The following BLM variants were observed in gnomAD, a reference collection of about 807,000 sequenced individuals.
BLM encodes the protein recQ-like DNA helicase BLM.
Under a neutral mutation model 135.3 loss-of-function variants are expected in BLM, and 95 were observed. The ratio of observed to expected loss-of-function variants is 0.70; its 90% CI spans 0.59 to 0.83. The LOEUF is 0.83. Ranked by LOEUF, BLM falls within the 40% of genes least tolerant of loss-of-function variation. The probability of loss-of-function intolerance (pLI) is 0.00; values close to 1 mark genes in which losing one functional copy is unlikely to be tolerated. For missense variants in BLM, 1,518 were observed against 1,663.9 expected (o/e 0.91, Z 1.53); for synonymous variants, 520 against 589.2 (o/e 0.88, Z 1.70).
chr15:90,775,826 T>A (rs1896462500), intron 12 of BLM, among the ~76,000 whole-genome samples: 1 of 152,138 alleles, frequency 6.6e-6, no homozygotes, highest in Non-Finnish European at 1.5e-5. Context: ...ACATTTTGAT[T>A]GAGAATGTAT....
intron 15 of BLM, among the ~76,000 whole-genome samples, chr15:90,793,378 G>A (rs556315681): frequency 2.6e-5 from 4 of 152,056 alleles, no homozygotes; most frequent in African/African-American, 4.8e-5. Flanking sequence ...CAGGTGATCC[G>A]CCCACCTTGG....
At chr15:90,797,397 C>T (rs1355011577) in intron 16 of BLM, among the ~76,000 whole-genome samples, 1 of 134,244 alleles carries the variant, frequency 7.4e-6, no homozygotes, top group Non-Finnish European at 1.5e-5. Context: ...GCCTGGGCGA[C>T]GAGCGAAACT....
chr15:90,733,310 C>T (rs1170700508), intron 1 of BLM, among the ~76,000 whole-genome samples: 3 of 152,020 alleles, frequency 2.0e-5, no homozygotes, highest in Non-Finnish European at 4.4e-5. Context: ...ATCTAGTTTA[C>T]CAAAATTGAC....
chr15:90,803,940 TA>T (rs1897226341), intron 18 of BLM, among the ~76,000 whole-genome samples: 1 of 152,348 alleles, frequency 6.6e-6, no homozygotes, highest in African/African-American at 2.4e-5. Flanking sequence ...ATCAGGTCAC[TA>T]AATCTTTATA....
At chr15:90,748,373 G>T (rs1033659301) in intron 2 of BLM, among the ~76,000 whole-genome samples, 1 of 152,176 alleles carries the variant, frequency 6.6e-6, no homozygotes, top group Non-Finnish European at 1.5e-5. Flanking sequence ...CTCCCAAAGT[G>T]CTGGGATTAC....
chr15:90,749,993 C>G lies in BLM; in HGVS notation c.725C>G (p.Pro242Arg), dbSNP rs1060500642. 5.0e-6 allele frequency: 8 copies of G among 1,614,144 alleles called. No individual in the cohort carries two copies. The highest frequency in any genetic ancestry group is 6.8e-6 in the Non-Finnish European group (8 of 1,180,026). Residue 242 changes from proline (P) to arginine (R), a missense_variant, in exon 3 of 22, where the codon CCC (proline) becomes CGC (arginine). This residue lies in a region of BLM where 724 missense variants were observed against 756.9 expected (regional missense o/e 0.96). Transcript: ENST00000355112. ...SSDVICIDDGPIAEVHINEDA... is the reference protein window; with the variant it reads ...SSDVICIDDGRIAEVHINEDA... The stretch of plus-strand genomic sequence containing the variant: ...GATGTGATTTGCATCGATGATGGCC[C>G]CATTGCTGAAGTGCATATAAATGAA...
intron 1 of BLM, among the ~76,000 whole-genome samples, chr15:90,737,066 C>T (rs1895237151): frequency 6.9e-6 from 1 of 145,158 alleles, no homozygotes; most frequent in Admixed American, 6.7e-5. Flanking sequence ...ATGTAATCAC[C>T]CTGAAGGTGA....
At position 90,804,224 on chromosome 15, in the gene BLM, G is replaced by C; in HGVS notation, c.3616G>C (p.Ala1206Pro). The C allele has an allele frequency of 2.5e-6, 4 of 1,614,176 alleles. No homozygotes were observed. The highest frequency in any genetic ancestry group is 3.4e-6 in the Non-Finnish European group (4 of 1,180,006). Residue 1206 changes from alanine to proline, a missense_variant, in exon 19 of 22, where the codon GCA becomes CCA. Coordinates refer to ENST00000355112, the MANE Select transcript of BLM (RefSeq NM_000057.4). ...TGTGAAAAAACAAAAAGCGTTAGTA[G>C]CAAAAGTGTCTCAGAGGGAAGAGAT... ...SSVKKQKALV[A>P]KVSQREEMVK...
chr15:90,790,863 T>C lies in BLM; in HGVS notation c.3019+19T>C, dbSNP rs1896890749. On this transcript the variant is annotated intron_variant, in intron 15 of 21. Coordinates refer to ENST00000355112, the MANE Select transcript of BLM (RefSeq NM_000057.4). ...ATAATGAGTAAGCTGGGCTCCATTG[T>C]AGAGACATTCTGTCATCTTCAGCCT... 4 of 1,603,558 alleles carry C rather than the reference T, an allele frequency of 2.5e-6. No individual in the cohort carries two copies. In the East Asian group the frequency reaches 8.9e-5, roughly 36 times the overall value.
intron 2 of BLM, 117 bp downstream of exon 2, chr15:90,747,607 T>A: frequency 1.3e-6 from 1 of 743,476 alleles, no homozygotes; most frequent in Non-Finnish European, 2.4e-6. Flanking sequence ...GCTGAGAGAT[T>A]CATTGATTTT....
At chr15:90,786,355 C>T (rs1479533037) in intron 14 of BLM, among the ~76,000 whole-genome samples, 1 of 152,092 alleles carries the variant, frequency 6.6e-6, no homozygotes, top group African/African-American at 2.4e-5. Context: ...TTTCCACGGA[C>T]ATATGTTTTC....
At chr15:90,762,164 C>T (rs1028846535) in intron 7 of BLM, among the ~76,000 whole-genome samples, 2 of 152,120 alleles carry the variant, frequency 1.3e-5, no homozygotes, top group South Asian at 2.1e-4. Context: ...TTGGGGTTAG[C>T]GTAACTGCCA....
At chr15:90,778,671 G>A (rs529745756) in intron 12 of BLM, among the ~76,000 whole-genome samples, 4 of 152,028 alleles carry the variant, frequency 2.6e-5, no homozygotes, top group East Asian at 1.9e-4. Context: ...ATGTTTTCAC[G>A]GTTTATTGGT....
Position 90,815,041 on chromosome 15 carries a change from G to GGAC in BLM, c.4077-59_4077-58insCGA, listed in dbSNP as rs1555425386. On this transcript the variant is annotated intron_variant, in intron 21 of 21. Coordinates refer to ENST00000355112, the MANE Select transcript of BLM (RefSeq NM_000057.4). The surrounding 1 kb of genome is among the most constrained non-coding windows in gnomAD (Gnocchi z 4.6). ...TATTGTAGCTCTGTGCAGGTTGAGA[G>GGAC]GAAGGTCATTCATTTTTGGTTTCAT... The GGAC allele has an allele frequency of 1.0e-5, 16 of 1,535,772 alleles. No homozygotes were observed. The highest frequency in any genetic ancestry group is 1.7e-5 in the Admixed American group (1 of 59,644).
rs530239635 is a variant in BLM, at chr15:90,748,105, C to CT, written c.98+628dup. Among the ~76,000 whole-genome samples the CT allele has an allele frequency of 7.2e-3, 1,000 of 138,688 alleles. 9 individuals carry two copies. Among genetic ancestry groups the CT allele is most frequent in the African/African-American group, 0.02 (760 of 37,688 alleles). The allele number at this position is 138,688 out of a possible 152,430, so 91.0% of individuals were successfully genotyped here. A position where few individuals can be genotyped will look rare whatever the true frequency, so the allele number is the denominator to read the frequency against. On this transcript the variant is annotated intron_variant, in intron 2 of 21. Transcript: ENST00000355112. Reference sequence around the variant, plus strand: ...ACATGCATGAGCCACCGTGCCCAGCCTTTTTTTTTTTTTCTTTTTTGAGAC... The same window carrying CT: ...ACATGCATGAGCCACCGTGCCCAGCCTTTTTTTTTTTTTTCTTTTTTGAGAC...
chr15:90,800,489 T>C (rs1317543538), intron 17 of BLM, among the ~76,000 whole-genome samples: 1 of 152,054 alleles, frequency 6.6e-6, no homozygotes, highest in Admixed American at 6.5e-5. Context: ...GAGGCCAGCC[T>C]GACCAACATG....
intron 5 of BLM, 163 bp downstream of exon 5, chr15:90,755,101 A>G (rs921730939): frequency 2.3e-6 from 2 of 857,946 alleles, no homozygotes; most frequent in Non-Finnish European, 3.5e-6. Flanking sequence ...GTTAGCCAGC[A>G]TTTGCCTGAA....
chr15:90,755,020 C>G, intron 5 of BLM, 82 bp downstream of exon 5: 1 of 1,527,920 alleles, frequency 6.5e-7, no homozygotes, highest in Non-Finnish European at 8.9e-7. Context: ...GTGTTTTGAA[C>G]CTGTGGCTGT....
At chr15:90,772,269 G>A (rs1262020416) in intron 12 of BLM, among the ~76,000 whole-genome samples, 5 of 152,098 alleles carry the variant, frequency 3.3e-5, no homozygotes, top group Admixed American at 1.3e-4. Flanking sequence ...CTCTCCTCCC[G>A]CCAGTCTGTA....
Sources: allele counts gnomAD v4.1 joint callset (sites outside exome capture counted in the v4.1 genomes callset), GRCh38; gene constraint gnomAD v4.1.1; regional missense constraint gnomAD v4.1.1; non-coding constraint Gnocchi (gnomAD v3.1); transcripts MANE v1.5; gene names NCBI Gene and HGNC (gene_info 2026-07-23, HGNC 2026-07-21).